The following NCK1 variants were observed in gnomAD, a reference collection of about 807,000 sequenced individuals.
NCK1 encodes the protein SH2/SH3 adapter protein NCK1.
NCK1 carries 19 observed loss-of-function variants against 36.6 expected under a neutral mutation model. That is an observed-to-expected ratio of 0.52 (90% CI 0.36 to 0.76). The LOEUF is 0.76. Ranked by LOEUF, NCK1 falls within the 30% of genes least tolerant of loss-of-function variation. The pLI is 0.00. For missense variants in NCK1, 358 were observed against 445.6 expected (o/e 0.80, Z 1.77); for synonymous variants, 165 against 156.0 (o/e 1.06, Z -0.43).
intron 1 of NCK1, among the ~76,000 whole-genome samples, chr3:136,912,935 G>T (rs1165240102): frequency 6.6e-6 from 1 of 152,094 alleles, no homozygotes; most frequent in Non-Finnish European, 1.5e-5. Context: ...AAGGATTACA[G>T]GTGTGAGCCA....
intron 1 of NCK1, among the ~76,000 whole-genome samples, chr3:136,911,001 G>A (rs1422732288): frequency 6.6e-6 from 1 of 152,100 alleles, no homozygotes; most frequent in Non-Finnish European, 1.5e-5. Context: ...GATTCCACAT[G>A]TATGTGAGAC....
intron 1 of NCK1, among the ~76,000 whole-genome samples, chr3:136,892,960 G>A (rs534448246): frequency 5.8e-4 from 88 of 151,460 alleles, no homozygotes; most frequent in African/African-American, 1.8e-3. Context: ...TATCCCTCAC[G>A]CCACCACCCT....
chr3:136,873,525 G>C (rs755120153), intron 1 of NCK1, among the ~76,000 whole-genome samples: 1 of 152,140 alleles, frequency 6.6e-6, no homozygotes, highest in Non-Finnish European at 1.5e-5. Flanking sequence ...GCTGAAATGA[G>C]TTAAGACTTC....
In NCK1 at chr3:136,926,822, T is replaced by C. The variant is rs183809512; in HGVS notation, c.-18-1162T>C. Reference sequence around the variant, plus strand: ...TTGTAGGATATCAGTTACGTGAACATTGAGACATTCTTTATGGCCTGGCAT... The same window carrying C: ...TTGTAGGATATCAGTTACGTGAACACTGAGACATTCTTTATGGCCTGGCAT... On this transcript the variant is annotated intron_variant, in intron 1 of 3. Coordinates refer to ENST00000481752, the MANE Select transcript of NCK1 (RefSeq NM_001291999.2). 9.7e-4 allele frequency among the ~76,000 whole-genome samples: 147 copies of C among 152,322 alleles called. 2 individuals carry two copies. Among genetic ancestry groups the C allele is most frequent in the African/African-American group, 3.0e-3 (125 of 41,576 alleles).
chr3:136,909,847 C>T (rs1462178218), intron 1 of NCK1, among the ~76,000 whole-genome samples: 1 of 152,076 alleles, frequency 6.6e-6, no homozygotes. Flanking sequence ...GTCTCTTACA[C>T]CTTCTTGTTT....
Position 136,928,299 on chromosome 3 carries a change from T to A in NCK1, c.226+72T>A, listed in dbSNP as rs894597744. 4.3e-6 allele frequency: 6 copies of A among 1,395,998 alleles called. No homozygotes were observed. In the African/African-American group the frequency reaches 8.8e-5, roughly 20 times the overall value. 86.5% of individuals were successfully genotyped at this position (1,395,998 alleles called of 1,614,324 possible). A position where few individuals can be genotyped will look rare whatever the true frequency, so the allele number is the denominator to read the frequency against. ...TGCAACTTAGTTCTTTGTACATAAT[T>A]CTGGCAGCAGTGTGCATAATTGACT... On this transcript the variant is annotated intron_variant, in intron 2 of 3. Transcript: ENST00000481752.
chr3:136,887,008 T>C (rs1939091638), intron 1 of NCK1, among the ~76,000 whole-genome samples: 1 of 151,986 alleles, frequency 6.6e-6, no homozygotes, highest in African/African-American at 2.4e-5. Context: ...CATGCCCGGC[T>C]AATTTTTGTG....
intron 1 of NCK1, among the ~76,000 whole-genome samples, chr3:136,907,112 A>G (rs1372468656): frequency 3.3e-5 from 5 of 152,160 alleles, no homozygotes; most frequent in Non-Finnish European, 7.3e-5. Context: ...GGTGGCTTGC[A>G]GGGTCACATA....
At chr3:136,870,101 G>A (rs1938569035) in intron 1 of NCK1, among the ~76,000 whole-genome samples, 1 of 140,678 alleles carries the variant, frequency 7.1e-6, no homozygotes, top group African/African-American at 2.7e-5. Flanking sequence ...AATCCCATTG[G>A]GAGGCCGAGG....
intron 1 of NCK1, among the ~76,000 whole-genome samples, chr3:136,880,033 C>T (rs1001413584): frequency 6.7e-6 from 1 of 148,234 alleles, no homozygotes; most frequent in African/African-American, 2.5e-5. Flanking sequence ...GCCTGTAATC[C>T]CAGCACTTTG....
chr3:136,930,376 A>C (rs1940360359), intron 2 of NCK1: 2 of 1,073,540 alleles, frequency 1.9e-6, no homozygotes, highest in Admixed American at 8.6e-5. Flanking sequence ...GCTGTGTTAT[A>C]ATTTAGAGGA....
intron 1 of NCK1, among the ~76,000 whole-genome samples, chr3:136,885,078 AG>A (rs986868054): frequency 2.0e-5 from 3 of 152,200 alleles, no homozygotes; most frequent in African/African-American, 7.2e-5. Flanking sequence ...ATATTTTTTC[AG>A]GTATACACTG....
At chr3:136,922,173 T>C (rs967642176) in intron 1 of NCK1, among the ~76,000 whole-genome samples, 2 of 152,218 alleles carry the variant, frequency 1.3e-5, no homozygotes, top group Admixed American at 1.3e-4. Context: ...AACAAACTTA[T>C]TATTTATGAC....
intron 1 of NCK1, among the ~76,000 whole-genome samples, chr3:136,884,519 C>A (rs1487740275): frequency 6.6e-6 from 1 of 152,128 alleles, no homozygotes; most frequent in African/African-American, 2.4e-5. Flanking sequence ...TTGCTCACCG[C>A]AACCTCCGCT....
Position 136,949,618 on chromosome 3 carries a change from G to A in NCK1, c.*1165G>A, listed in dbSNP as rs1354899122. 6.6e-6 allele frequency: 1 copy of A among 151,970 alleles called. No individual in the cohort carries two copies. The highest frequency in any genetic ancestry group is 2.4e-5 in the African/African-American group (1 of 41,406). 9.4% of individuals were successfully genotyped at this position (151,970 alleles called of 1,614,324 possible). On this transcript the variant is annotated 3_prime_UTR_variant, in exon 4 of 4. Transcript: ENST00000481752. ...CAGTTGTATTTTATGGTCATAATTT[G>A]TCCCCCTATTATTCTGGAGATTTAA...
At chr3:136,917,975 G>A (rs1940010385) in intron 1 of NCK1, among the ~76,000 whole-genome samples, 1 of 152,136 alleles carries the variant, frequency 6.6e-6, no homozygotes, top group Admixed American at 6.5e-5. Context: ...CTCTGGATCT[G>A]TCCTGTTTTA....
chr3:136,901,326 CTG>C (rs758519894), intron 1 of NCK1, among the ~76,000 whole-genome samples: 4 of 144,724 alleles, frequency 2.8e-5, no homozygotes, highest in Non-Finnish European at 6.1e-5. Flanking sequence ...ATTTTTATCT[CTG>C]TGTTCATTAG....
At chr3:136,869,464 A>C (rs1461470433) in intron 1 of NCK1, among the ~76,000 whole-genome samples, 2 of 151,694 alleles carry the variant, frequency 1.3e-5, no homozygotes, top group African/African-American at 4.8e-5. Context: ...AGAATCACTT[A>C]AACCCGGGAG....
chr3:136,872,172 T>C (rs1368190755), intron 1 of NCK1, among the ~76,000 whole-genome samples: 4 of 152,290 alleles, frequency 2.6e-5, no homozygotes, highest in African/African-American at 4.8e-5. Context: ...TTTGGAACTT[T>C]CTAGACTTGT....
Sources: allele counts gnomAD v4.1 joint callset (sites outside exome capture counted in the v4.1 genomes callset), GRCh38; gene constraint gnomAD v4.1.1; transcripts MANE v1.5; gene names NCBI Gene and HGNC (gene_info 2026-07-23, HGNC 2026-07-21).